SGCD: variants seen among roughly 807,000 people sequenced by gnomAD.
SGCD encodes sarcoglycan delta.
A neutral mutation model predicts 36.6 loss-of-function variants in SGCD; 18 were observed. The ratio of observed to expected loss-of-function variants is 0.49; its 90% confidence interval spans 0.34 to 0.73. The LOEUF is 0.73. Ranked by LOEUF, SGCD falls within the 30% of genes least tolerant of loss-of-function variation. The pLI is 0.01. For missense variants in SGCD, 387 were observed against 346.7 expected (o/e 1.12, Z -0.92); for synonymous variants, 133 against 130.6 (o/e 1.02, Z -0.12).
intron 7 of SGCD, among the ~76,000 whole-genome samples, chr5:156,694,351 G>A (rs1193170081): frequency 6.6e-6 from 1 of 152,202 alleles, no homozygotes; most frequent in Non-Finnish European, 1.5e-5. Context: ...TTCACTGACA[G>A]TTCCTTTAAA....
intron 6 of SGCD, among the ~76,000 whole-genome samples, chr5:156,635,552 T>C (rs1762794336): frequency 6.6e-6 from 1 of 152,134 alleles, no homozygotes; most frequent in African/African-American, 2.4e-5. Context: ...CCCAAAGGAT[T>C]ATAAAACATA....
chr5:155,882,909 T>G (rs562642826), intron 1 of SGCD, among the ~76,000 whole-genome samples: 15 of 152,326 alleles, frequency 9.8e-5, no homozygotes, highest in African/African-American at 3.6e-4. Context: ...AATCCCTGTA[T>G]GGCTTCTTCC....
At chr5:156,368,185 G>A (rs920045431) in intron 3 of SGCD, among the ~76,000 whole-genome samples, 4 of 151,558 alleles carry the variant, frequency 2.6e-5, no homozygotes, top group Non-Finnish European at 5.9e-5. Context: ...TCTGCCTCCC[G>A]GGTTCAAGCA....
chr5:155,782,115 C>T, the SGCD span, among the ~76,000 whole-genome samples: 1 of 151,592 alleles, frequency 6.6e-6, no homozygotes, highest in Non-Finnish European at 1.5e-5. Context: ...ACCTCTGCCT[C>T]CTGGGTTCAA....
chr5:156,206,618 A>C (rs1247647769), intron 3 of SGCD, among the ~76,000 whole-genome samples: 1 of 152,104 alleles, frequency 6.6e-6, no homozygotes, highest in African/African-American at 2.4e-5. Context: ...GGCTTTATGT[A>C]ACATCTTAAA....
chr5:156,128,035 A>G (rs993196296), intron 3 of SGCD, among the ~76,000 whole-genome samples: 1 of 152,116 alleles, frequency 6.6e-6, no homozygotes, highest in Non-Finnish European at 1.5e-5. Context: ...AAAAAATACC[A>G]CCAAGAAAAT....
In SGCD at chr5:156,122,639, G is replaced by A. The variant is rs560217687; in HGVS notation, c.-207-1217G>A. Among the ~76,000 whole-genome samples the A allele has an allele frequency of 6.3e-4, 95 of 151,692 alleles. 1 individual carries two copies. In the South Asian group the frequency reaches 0.019, roughly 30 times the overall value. ...AGATGAGGACGGTGGTAAGAGAGAT[G>A]CATCAAATATCAAGCAGGATCTTTA... On this transcript the variant is annotated intron_variant, in intron 2 of 9. Transcript: ENST00000517913.
chr5:155,975,179 G>A (rs1758084321), intron 1 of SGCD, among the ~76,000 whole-genome samples: 1 of 152,174 alleles, frequency 6.6e-6, no homozygotes, highest in African/African-American at 2.4e-5. Flanking sequence ...ATCAATATCA[G>A]TGTCATCATC....
intron 3 of SGCD, among the ~76,000 whole-genome samples, chr5:156,348,807 A>C (rs1769085492): frequency 6.6e-6 from 1 of 152,196 alleles, no homozygotes; most frequent in African/African-American, 2.4e-5. Flanking sequence ...AATTCTAAGC[A>C]AAAAGATCAA....
At chr5:156,596,575 G>T (rs1016258786) in intron 6 of SGCD, among the ~76,000 whole-genome samples, 1 of 151,998 alleles carries the variant, frequency 6.6e-6, no homozygotes, top group African/African-American at 2.4e-5. Flanking sequence ...ATTATTATTT[G>T]CACTTTGCAT....
chr5:156,756,636 A>T (rs1257864301), intron 7 of SGCD, among the ~76,000 whole-genome samples: 1 of 152,246 alleles, frequency 6.6e-6, no homozygotes, highest in South Asian at 2.1e-4. Flanking sequence ...GCTTCCTCCT[A>T]AGGAGTATTA....
chr5:156,515,560 G>T (rs1021574218), intron 4 of SGCD, among the ~76,000 whole-genome samples: 4 of 152,188 alleles, frequency 2.6e-5, no homozygotes, highest in African/African-American at 9.7e-5. Context: ...GCAATGGGGA[G>T]TTCCCGCCCC....
At chr5:156,188,238 A>C (rs755144986) in intron 3 of SGCD, among the ~76,000 whole-genome samples, 1 of 152,168 alleles carries the variant, frequency 6.6e-6, no homozygotes, top group Non-Finnish European at 1.5e-5. Context: ...GGTGCTTGGC[A>C]TACATCATTA....
At chr5:156,626,734 T>C (rs1762454232) in intron 6 of SGCD, among the ~76,000 whole-genome samples, 1 of 152,192 alleles carries the variant, frequency 6.6e-6, no homozygotes, top group African/African-American at 2.4e-5. Context: ...TAGGTAGATT[T>C]GTTTTATACT....
the SGCD span, among the ~76,000 whole-genome samples, chr5:155,772,732 T>G: frequency 6.6e-6 from 1 of 152,156 alleles, no homozygotes; most frequent in Non-Finnish European, 1.5e-5. Context: ...TACCCCCATT[T>G]TTTTCTAAGA....
At chr5:156,711,254 T>C (rs1243427336) in intron 7 of SGCD, among the ~76,000 whole-genome samples, 1 of 152,136 alleles carries the variant, frequency 6.6e-6, no homozygotes, top group Non-Finnish European at 1.5e-5. Context: ...GGTTTGCAGG[T>C]GCTTTACAGT....
intron 1 of SGCD, among the ~76,000 whole-genome samples, chr5:156,042,080 T>C (rs1455491711): frequency 2.0e-5 from 3 of 152,136 alleles, no homozygotes; most frequent in African/African-American, 7.2e-5. Flanking sequence ...CTATAATGAT[T>C]CTAATGTGTT....
At chr5:156,563,664 C>T (rs1007984549) in intron 4 of SGCD, among the ~76,000 whole-genome samples, 4 of 152,142 alleles carry the variant, frequency 2.6e-5, no homozygotes, top group Non-Finnish European at 4.4e-5. Context: ...GAAGCAGCTA[C>T]ATGCATTGCT....
intron 1 of SGCD, among the ~76,000 whole-genome samples, chr5:156,104,670 G>A (rs1043733712): frequency 6.6e-5 from 10 of 152,164 alleles, no homozygotes; most frequent in Admixed American, 3.9e-4. Context: ...TCTTCTTAGG[G>A]AATCATAATG....
Sources: gnomAD v4.1 joint callset for allele counts (sites outside exome capture counted in the v4.1 genomes callset) on GRCh38, gnomAD v4.1.1 for gene constraint, MANE v1.5 for transcripts, NCBI Gene and HGNC (gene_info 2026-07-23, HGNC 2026-07-21) for gene names.